NEK6: variants seen among roughly 807,000 people sequenced by gnomAD.
The protein encoded by NEK6 is serine/threonine-protein kinase Nek6.
NEK6 carries 27 observed loss-of-function variants against 43.5 expected under a neutral mutation model. The observed-to-expected ratio is 0.62, with a 90% CI of 0.46 to 0.86. The LOEUF (loss-of-function observed/expected upper bound fraction) is 0.86, where lower values mean the gene tolerates loss of function less well. NEK6 is among the 40% of genes least tolerant of loss of function. The pLI is 0.00. For synonymous variants in NEK6, 167 were observed against 164.1 expected (o/e 1.02, Z -0.14); for missense variants, 318 against 414.4 (o/e 0.77, Z 2.02).
At chr9:124,261,249 C>T (rs1831019477) in intron 1 of NEK6, 1 of 304,030 alleles carries the variant, frequency 3.3e-6, no homozygotes, top group African/African-American at 2.3e-5. Flanking sequence ...CGCCCAGGGC[C>T]AGAGCTACTG....
At chr9:124,312,096 C>T (rs1007799689) in intron 2 of NEK6, among the ~76,000 whole-genome samples, 3 of 152,190 alleles carry the variant, frequency 2.0e-5, no homozygotes, top group Non-Finnish European at 4.4e-5. Context: ...ATGGTGGCCA[C>T]GGGCTGGGGA....
chr9:124,279,403 G>T (rs2118974082), intron 1 of NEK6, among the ~76,000 whole-genome samples: 1 of 150,994 alleles, frequency 6.6e-6, no homozygotes, highest in South Asian at 2.1e-4. Context: ...CCGGGTTCAA[G>T]CGATTCTCCT....
chr9:124,344,147 T>C (rs965483147), intron 8 of NEK6, among the ~76,000 whole-genome samples: 1 of 152,214 alleles, frequency 6.6e-6, no homozygotes, highest in Admixed American at 6.5e-5. Context: ...TCCCCTCTTC[T>C]GTGCCCTTCT....
intron 1 of NEK6, among the ~76,000 whole-genome samples, chr9:124,282,405 T>G (rs1831955196): frequency 6.6e-6 from 1 of 152,232 alleles, no homozygotes; most frequent in Non-Finnish European, 1.5e-5. Flanking sequence ...CCTAATCCCA[T>G]GTGACCCCAG....
chr9:124,307,039 T>A (rs1218201941), intron 2 of NEK6, among the ~76,000 whole-genome samples: 1 of 152,222 alleles, frequency 6.6e-6, no homozygotes, highest in Non-Finnish European at 1.5e-5. Context: ...GAAGTCTGAC[T>A]TAGTCAGGCT....
intron 8 of NEK6, among the ~76,000 whole-genome samples, chr9:124,339,999 T>C (rs1325615338): frequency 3.9e-5 from 6 of 152,210 alleles, no homozygotes; most frequent in Admixed American, 3.9e-4. Context: ...GCGATTCTGT[T>C]CATCCTTTAT....
chr9:124,292,236 G>A, intron 1 of NEK6: 1 of 1,262,732 alleles, frequency 7.9e-7, no homozygotes, highest in South Asian at 1.6e-5. Flanking sequence ...CCCACCGCTG[G>A]CTCAGCCACC....
intron 1 of NEK6, chr9:124,261,118 G>C (rs1395386143): frequency 6.6e-6 from 1 of 152,220 alleles, no homozygotes; most frequent in African/African-American, 2.4e-5. Context: ...GGCTGCCTTT[G>C]TCGTGCTTTG....
chr9:124,348,954 T>C (rs921785303), intron 9 of NEK6, among the ~76,000 whole-genome samples: 7 of 152,268 alleles, frequency 4.6e-5, no homozygotes, highest in African/African-American at 1.7e-4. Flanking sequence ...ATCGTGCTTC[T>C]TGATGGCATG....
intron 8 of NEK6, 77 bp downstream of exon 8, chr9:124,339,742 T>C: frequency 9.3e-7 from 1 of 1,071,434 alleles, no homozygotes; most frequent in Non-Finnish European, 1.5e-6. Flanking sequence ...GGGCTCACCC[T>C]ACCAGCTCAG....
At chr9:124,342,606 C>T (rs1347803594) in intron 8 of NEK6, among the ~76,000 whole-genome samples, 5 of 152,244 alleles carry the variant, frequency 3.3e-5, no homozygotes, top group East Asian at 1.9e-4. Flanking sequence ...GCCTCCGGCA[C>T]GAGGCTCCTG....
chr9:124,319,088 G>A (rs1321569441), intron 4 of NEK6, among the ~76,000 whole-genome samples: 1 of 152,142 alleles, frequency 6.6e-6, no homozygotes, highest in African/African-American at 2.4e-5. Context: ...AGGTTCAAGC[G>A]ATTCTCCTGC....
At chr9:124,290,157 C>T (rs1832348601) in intron 1 of NEK6, among the ~76,000 whole-genome samples, 1 of 152,228 alleles carries the variant, frequency 6.6e-6, no homozygotes, top group African/African-American at 2.4e-5. Context: ...CTGAGGTGTG[C>T]ACAGCCACGT....
At position 124,343,924 on chromosome 9, in the gene NEK6, T is replaced by G. The variant is rs1829784791; in HGVS notation, c.718-3785T>G. Among the ~76,000 whole-genome samples, 1 of 152,126 alleles carries G rather than the reference T, an allele frequency of 6.6e-6. No homozygotes were observed. The highest frequency in any genetic ancestry group is 2.1e-4 in the South Asian group (1 of 4,820). ...CGCCGATGGCTTCAAGCAACATAAG[T>G]TTACTCTCTTAGATCTCGAGGATTC... On this transcript the variant is annotated intron_variant, in intron 8 of 9. Transcript: ENST00000320246. The surrounding 1 kb of genome is among the most constrained non-coding windows in gnomAD (Gnocchi z 5.1).
chr9:124,339,443 A>G, intron 7 of NEK6, 128 bp from the exon 8 acceptor site: 1 of 713,942 alleles, frequency 1.4e-6, no homozygotes, highest in South Asian at 1.6e-5. Flanking sequence ...AGAGAGGGAG[A>G]AGGGCTGCTC....
intron 1 of NEK6, among the ~76,000 whole-genome samples, chr9:124,296,281 G>C (rs1038557724): frequency 1.3e-5 from 2 of 152,250 alleles, no homozygotes; most frequent in African/African-American, 2.4e-5. Context: ...CCACAGGGAC[G>C]GCTTCCTGCT....
chr9:124,347,922 T>C (rs919921226), intron 9 of NEK6, 100 bp downstream of exon 9: 1 of 708,448 alleles, frequency 1.4e-6, no homozygotes, highest in Non-Finnish European at 2.5e-6. Flanking sequence ...GAGGTTAGGC[T>C]CACTTTACAC....
chr9:124,281,039 C>T (rs1381952629), intron 1 of NEK6, among the ~76,000 whole-genome samples: 2 of 152,208 alleles, frequency 1.3e-5, no homozygotes, highest in African/African-American at 4.8e-5. Flanking sequence ...GATCCACCCA[C>T]CTCAGCCTCA....
At position 124,321,212 on chromosome 9, in the gene NEK6, T is replaced by C. The variant is rs574556484; in HGVS notation, c.295-247T>C. On this transcript the variant is annotated intron_variant, in intron 4 of 9. Transcript: ENST00000320246. ...TTGACCCATGTCGTCTTCACAACTA[T>C]GCTTCAAAACATTATGCCAGTTTTA... Among the ~76,000 whole-genome samples the C allele has an allele frequency of 2.2e-4, 33 of 152,354 alleles. 1 individual carries two copies. In the South Asian group the frequency reaches 2.7e-3, roughly 12 times the overall value.
Sources: allele counts gnomAD v4.1 joint callset (sites outside exome capture counted in the v4.1 genomes callset), GRCh38; gene constraint gnomAD v4.1.1; non-coding constraint Gnocchi (gnomAD v3.1); transcripts MANE v1.5; gene names NCBI Gene and HGNC (gene_info 2026-07-23, HGNC 2026-07-21).